ETFA: variants seen among roughly 807,000 people sequenced by gnomAD.
The protein encoded by ETFA is electron transfer flavoprotein subunit alpha, mitochondrial.
In ETFA, 22 loss-of-function variants were observed where a neutral mutation model predicts 46.2. That is an observed-to-expected ratio of 0.48 (90% CI 0.34 to 0.68). The LOEUF (loss-of-function observed/expected upper bound fraction) is 0.68. Ranked by LOEUF, ETFA falls within the 30% of genes least tolerant of loss-of-function variation. ETFA has a pLI of 0.01. For missense variants in ETFA, 345 were observed against 401.1 expected (o/e 0.86, Z 1.19); for synonymous variants, 131 against 139.9 (o/e 0.94, Z 0.45).
At chr15:76,251,278 A>G (rs922049750) in intron 9 of ETFA, among the ~76,000 whole-genome samples, 1 of 152,236 alleles carries the variant, frequency 6.6e-6, no homozygotes, top group African/African-American at 2.4e-5. Flanking sequence ...CAGACATATT[A>G]GCAAAATTAA....
At chr15:76,293,977 CTT>C (rs895935943) in intron 2 of ETFA, among the ~76,000 whole-genome samples, 1 of 141,694 alleles carries the variant, frequency 7.1e-6, no homozygotes, top group Non-Finnish European at 1.5e-5. Flanking sequence ...TTGAAACTAT[CTT>C]GTTTTTACTG....
chr15:76,280,937 TCAG>T (rs924631121), intron 8 of ETFA, among the ~76,000 whole-genome samples: 3 of 149,756 alleles, frequency 2.0e-5, no homozygotes, highest in African/African-American at 7.4e-5. Context: ...TTTTTTTTTT[TCAG>T]ACAGTGTCTC....
intron 4 of ETFA, among the ~76,000 whole-genome samples, chr15:76,288,530 C>T (rs1016580694): frequency 9.2e-5 from 14 of 151,980 alleles, no homozygotes; most frequent in African/African-American, 1.2e-4. Flanking sequence ...CATGGTGAAA[C>T]ACCATCTCTA....
At position 76,245,610 on chromosome 15, in the gene ETFA, T is replaced by C. The variant is rs199871350; in HGVS notation, c.817-14212A>G. Among the ~76,000 whole-genome samples, 7 of 152,384 alleles carry C rather than the reference T, an allele frequency of 4.6e-5. No individual in the cohort carries two copies. The East Asian group carries it at 1.3e-3, about 29-fold the overall frequency. The stretch of plus-strand genomic sequence containing the variant: ...GCTTATTCACCTGGTAACTTTAAAC[T>C]GACTTCTATTCACTTAGTCTCACCA... On this transcript the variant is annotated intron_variant, in intron 9 of 11. Transcript: ENST00000557943.
chr15:76,238,538 A>G (rs896375296), intron 9 of ETFA, among the ~76,000 whole-genome samples: 5 of 152,176 alleles, frequency 3.3e-5, no homozygotes, highest in African/African-American at 1.2e-4. Context: ...TGCTTTCTCA[A>G]CCTTCTTTTC....
chr15:76,227,846 G>A (rs990964584), intron 10 of ETFA: 3 of 455,976 alleles, frequency 6.6e-6, no homozygotes, highest in Non-Finnish European at 1.3e-5. Context: ...TCAGAGAGAT[G>A]TGCAGAAGAT....
intron 1 of ETFA, among the ~76,000 whole-genome samples, chr15:76,299,219 C>T (rs968048618): frequency 1.3e-5 from 2 of 152,164 alleles, no homozygotes; most frequent in African/African-American, 4.8e-5. Flanking sequence ...GCAATGCTAC[C>T]ACAACTTCCT....
At position 76,271,920 on chromosome 15, in the gene ETFA, C is replaced by T. The variant is rs1055529909; in HGVS notation, c.816+2492G>A. Among the ~76,000 whole-genome samples the T allele has an allele frequency of 6.2e-4, 90 of 145,208 alleles. No individual in the cohort carries two copies. In the East Asian group the frequency reaches 0.015, roughly 24 times the overall value. Reference sequence around the variant, plus strand: ...GCGTATATGTGTGTGTATATACACACACACACACACACACACACACCCTGA... The same window carrying T: ...GCGTATATGTGTGTGTATATACACATACACACACACACACACACACCCTGA... On this transcript the variant is annotated intron_variant, in intron 9 of 11. Coordinates refer to ENST00000557943, the MANE Select transcript of ETFA (RefSeq NM_000126.4).
intron 9 of ETFA, chr15:76,259,649 G>GC: frequency 1.1e-6 from 1 of 919,644 alleles, no homozygotes; most frequent in Admixed American, 1.7e-5. Flanking sequence ...TGGAGGCACA[G>GC]CCCTAACAAT....
intron 5 of ETFA, 95 bp from the exon 6 acceptor site, chr15:76,286,576 G>A: frequency 1.3e-6 from 1 of 778,658 alleles, no homozygotes; most frequent in East Asian, 2.7e-5. Context: ...GACAAGGCAA[G>A]AAATAACTAT....
chr15:76,279,863 A>G (rs2070323454), intron 8 of ETFA, among the ~76,000 whole-genome samples: 1 of 149,496 alleles, frequency 6.7e-6, no homozygotes, highest in Non-Finnish European at 1.5e-5. Flanking sequence ...TCAATCATAC[A>G]GGGTTTATGG....
chr15:76,256,261 G>T (rs1193778350), intron 9 of ETFA, among the ~76,000 whole-genome samples: 1 of 92,230 alleles, frequency 1.1e-5, no homozygotes. Flanking sequence ...TCCGTCTCAA[G>T]GAAAAAAAAA....
At chr15:76,282,820 T>C (rs540617434) in intron 8 of ETFA, among the ~76,000 whole-genome samples, 2 of 152,320 alleles carry the variant, frequency 1.3e-5, no homozygotes, top group South Asian at 4.1e-4. Flanking sequence ...ATCAAATGTC[T>C]TTAAAAAGAT....
intron 9 of ETFA, among the ~76,000 whole-genome samples, chr15:76,258,559 G>A (rs2039369522): frequency 1.3e-5 from 2 of 152,204 alleles, no homozygotes; most frequent in African/African-American, 2.4e-5. Context: ...TTTAAACCCC[G>A]AGGGTGGTAA....
Position 76,311,436 on chromosome 15 carries a change from G to C in ETFA, c.-48C>G, listed in dbSNP as rs770397572. ...TCGGCCTTACAGCAGCCCCGTGCCC[G>C]GCCAACTGGCGCCGCCTCAGCCAGT... On this transcript the variant is annotated 5_prime_UTR_variant, in exon 1 of 12. Coordinates refer to ENST00000557943, the MANE Select transcript of ETFA (RefSeq NM_000126.4). 16 of 1,544,430 alleles carry C rather than the reference G, an allele frequency of 1.0e-5. No homozygotes were observed. In the East Asian group the frequency reaches 2.9e-4, roughly 28 times the overall value.
At chr15:76,306,174 G>C (rs1234886542) in intron 1 of ETFA, among the ~76,000 whole-genome samples, 3 of 151,528 alleles carry the variant, frequency 2.0e-5, no homozygotes, top group African/African-American at 7.3e-5. Flanking sequence ...ACCTAAAGTA[G>C]TAAGAATGAT....
intron 9 of ETFA, among the ~76,000 whole-genome samples, chr15:76,246,675 C>CA (rs1164295214): frequency 6.6e-6 from 1 of 151,204 alleles, no homozygotes; most frequent in East Asian, 1.9e-4. Flanking sequence ...ACTAAAAATA[C>CA]AAAAAAAATT....
At chr15:76,305,028 G>T (rs924212925) in intron 1 of ETFA, among the ~76,000 whole-genome samples, 9 of 147,928 alleles carry the variant, frequency 6.1e-5, no homozygotes, top group African/African-American at 2.3e-4. Context: ...GGGCAACAGT[G>T]AGACTCTGTC....
intron 9 of ETFA, among the ~76,000 whole-genome samples, chr15:76,233,634 A>C (rs917020482): frequency 1.3e-5 from 2 of 152,256 alleles, no homozygotes; most frequent in South Asian, 4.1e-4. Flanking sequence ...AGCCTTCAAT[A>C]GGTAATTTTA....
Sources: gnomAD v4.1 joint callset for allele counts (sites outside exome capture counted in the v4.1 genomes callset) on GRCh38, gnomAD v4.1.1 for gene constraint, MANE v1.5 for transcripts, NCBI Gene and HGNC (gene_info 2026-07-23, HGNC 2026-07-21) for gene names.